Variants in ZBBX observed in about 807,000 individuals in gnomAD.
ZBBX encodes the protein zinc finger B-box domain containing.
Under a neutral mutation model 108.5 loss-of-function variants are expected in ZBBX, and 101 were observed. The observed-to-expected ratio is 0.93, with a 90% CI of 0.79 to 1.10. The LOEUF (loss-of-function observed/expected upper bound fraction) is 1.10, where lower values mean the gene tolerates loss of function less well. ZBBX is among the 50% of genes least tolerant of loss of function. The pLI, the probability that ZBBX is intolerant of heterozygous loss-of-function variation, is 0.00. For missense variants in ZBBX, 1,009 were observed against 941.4 expected (o/e 1.07, Z -0.94); for synonymous variants, 356 against 323.4 (o/e 1.10, Z -1.08).
At chr3:167,319,929 G>A (rs1304977312) in intron 12 of ZBBX, among the ~76,000 whole-genome samples, 1 of 151,898 alleles carries the variant, frequency 6.6e-6, no homozygotes, top group Non-Finnish European at 1.5e-5. Flanking sequence ...ATGCCTGGGT[G>A]TGAATGCATG....
At chr3:167,178,672 A>T in the ZBBX span, among the ~76,000 whole-genome samples, 49 of 152,148 alleles carry the variant, frequency 3.2e-4, no homozygotes, top group Non-Finnish European at 6.3e-4. Context: ...CACAAGCATA[A>T]CCTCTACCCC....
intron 18 of ZBBX, among the ~76,000 whole-genome samples, chr3:167,295,603 C>A (rs529599603): frequency 1.3e-5 from 2 of 150,482 alleles, no homozygotes; most frequent in South Asian, 4.2e-4. Flanking sequence ...ATGCAGCAAA[C>A]CACCATGGCA....
At chr3:167,335,637 T>A (rs1053007242) in intron 9 of ZBBX, among the ~76,000 whole-genome samples, 1 of 151,294 alleles carries the variant, frequency 6.6e-6, no homozygotes, top group South Asian at 2.1e-4. Context: ...TTTCATCTAG[T>A]TGCCAATTTA....
At chr3:167,363,902 T>C (rs571812983) in intron 6 of ZBBX, among the ~76,000 whole-genome samples, 4 of 152,200 alleles carry the variant, frequency 2.6e-5, no homozygotes, top group African/African-American at 9.6e-5. Context: ...TTTAATGTAA[T>C]GTTTAGGTAT....
chr3:167,360,659 G>T lies in ZBBX; in HGVS notation c.322+16C>A, dbSNP rs773493076. The T allele has an allele frequency of 2.3e-6, 3 of 1,315,204 alleles. No homozygotes were observed. Among genetic ancestry groups the T allele is most frequent in the Admixed American group, 2.9e-5 (1 of 34,028 alleles). The allele number at this position is 1,315,204 out of a possible 1,614,324, so 81.5% of individuals were successfully genotyped here. On this transcript the variant is annotated intron_variant, in intron 7 of 21. Transcript: ENST00000675490. ...GATGTCTTTAGCATTTATTAACATGGTGATAAATTATTTACCTTGAATCTG... is the reference window on the plus strand; with the variant it reads ...GATGTCTTTAGCATTTATTAACATGTTGATAAATTATTTACCTTGAATCTG...
chr3:167,376,303 C>A (rs761068709), intron 2 of ZBBX, among the ~76,000 whole-genome samples: 1 of 152,102 alleles, frequency 6.6e-6, no homozygotes, highest in Non-Finnish European at 1.5e-5. Context: ...ACCAAAGGCA[C>A]CTTTCAAAAA....
chr3:167,182,303 C>T, the ZBBX span, among the ~76,000 whole-genome samples: 2 of 152,062 alleles, frequency 1.3e-5, no homozygotes, highest in African/African-American at 4.8e-5. Context: ...ATGCACTTTC[C>T]CCCTAATAGG....
the ZBBX span, among the ~76,000 whole-genome samples, chr3:167,180,727 G>A: frequency 3.3e-5 from 5 of 152,184 alleles, no homozygotes; most frequent in South Asian, 2.1e-4. Flanking sequence ...GTTGTTTACC[G>A]CAGGAATTGT....
chr3:167,362,676 T>G (rs1744705779), intron 6 of ZBBX, among the ~76,000 whole-genome samples: 1 of 152,122 alleles, frequency 6.6e-6, no homozygotes, highest in Non-Finnish European at 1.5e-5. Context: ...CCACCTTTGC[T>G]TAGACACAAT....
intron 1 of ZBBX, among the ~76,000 whole-genome samples, chr3:167,393,837 C>A (rs1748151165): frequency 6.6e-6 from 1 of 151,758 alleles, no homozygotes; most frequent in Non-Finnish European, 1.5e-5. Flanking sequence ...GCCGCGTAAC[C>A]TTTTTATGGT....
chr3:167,394,770 G>A (rs1395401979), intron 1 of ZBBX, among the ~76,000 whole-genome samples: 1 of 151,954 alleles, frequency 6.6e-6, no homozygotes, highest in Admixed American at 6.6e-5. Context: ...TCTCTCTCTA[G>A]CAGTATTTCT....
chr3:167,377,030 T>C (rs1307559142), intron 2 of ZBBX, among the ~76,000 whole-genome samples: 2 of 152,222 alleles, frequency 1.3e-5, no homozygotes, highest in Non-Finnish European at 2.9e-5. Context: ...TCATTCAGTT[T>C]TTTTTATAAC....
the ZBBX span, among the ~76,000 whole-genome samples, chr3:167,216,014 C>T: frequency 6.6e-6 from 1 of 152,092 alleles, no homozygotes; most frequent in East Asian, 1.9e-4. Flanking sequence ...AACCCACAGC[C>T]AACATTATAC....
At chr3:167,362,477 C>T (rs576897323) in intron 6 of ZBBX, among the ~76,000 whole-genome samples, 1 of 152,162 alleles carries the variant, frequency 6.6e-6, no homozygotes, top group Non-Finnish European at 1.5e-5. Flanking sequence ...ACTTCTCCTA[C>T]AGTCATCTTT....
intron 20 of ZBBX, among the ~76,000 whole-genome samples, chr3:167,261,537 A>C (rs1468847311): frequency 3.3e-5 from 5 of 151,748 alleles, no homozygotes; most frequent in Non-Finnish European, 7.4e-5. Flanking sequence ...TGAGGGTCTG[A>C]GTTCACTGGA....
chr3:167,363,189 T>C (rs1035317828), intron 6 of ZBBX, among the ~76,000 whole-genome samples: 2 of 151,948 alleles, frequency 1.3e-5, no homozygotes, highest in Non-Finnish European at 2.9e-5. Flanking sequence ...ATAAAAATAA[T>C]ACTATAGAGC....
At chr3:167,266,431 T>G (rs1218546819) in intron 20 of ZBBX, among the ~76,000 whole-genome samples, 1 of 152,174 alleles carries the variant, frequency 6.6e-6, no homozygotes, top group Non-Finnish European at 1.5e-5. Flanking sequence ...GCTTACCCCC[T>G]TCCCGTCAGT....
At chr3:167,304,395 T>C (rs1733246467) in intron 17 of ZBBX, among the ~76,000 whole-genome samples, 1 of 152,204 alleles carries the variant, frequency 6.6e-6, no homozygotes, top group Non-Finnish European at 1.5e-5. Context: ...TCTTGTTTTC[T>C]CTGCTGAAAT....
chr3:167,209,979 A>C, the ZBBX span, among the ~76,000 whole-genome samples: 5 of 152,130 alleles, frequency 3.3e-5, no homozygotes, highest in African/African-American at 7.2e-5. Flanking sequence ...AGTCCCAACT[A>C]CTCAGGAGGC....
Sources: gnomAD v4.1 joint callset for allele counts (sites outside exome capture counted in the v4.1 genomes callset) on GRCh38, gnomAD v4.1.1 for gene constraint, MANE v1.5 for transcripts, NCBI Gene and HGNC (gene_info 2026-07-23, HGNC 2026-07-21) for gene names.